KIAA0825: variants seen among roughly 807,000 people sequenced by gnomAD.
KIAA0825 encodes uncharacterized protein KIAA0825.
A neutral mutation model predicts 147.6 loss-of-function variants in KIAA0825; 119 were observed. The observed-to-expected ratio is 0.81, with a 90% CI of 0.69 to 0.94. The LOEUF (loss-of-function observed/expected upper bound fraction) is 0.94, where lower values mean the gene tolerates loss of function less well. KIAA0825 is among the 40% of genes least tolerant of loss of function. The pLI, the probability that KIAA0825 is intolerant of heterozygous loss-of-function variation, is 0.00. For synonymous variants in KIAA0825, 470 were observed against 518.1 expected, an observed-to-expected ratio of 0.91 and a Z score of 1.26; for missense variants, 1,381 against 1,472.7, an observed-to-expected ratio of 0.94 and a Z score of 1.02.
chr5:94,211,355 CTT>C (rs563684539), intron 20 of KIAA0825, among the ~76,000 whole-genome samples: 247 of 152,254 alleles, frequency 1.6e-3, no homozygotes, highest in Middle Eastern at 0.014. Context: ...TTTACAAACT[CTT>C]TGTGGTTTTA....
chr5:94,552,019 A>G (rs985870919), intron 2 of KIAA0825, among the ~76,000 whole-genome samples: 2 of 152,074 alleles, frequency 1.3e-5, no homozygotes, highest in Admixed American at 1.3e-4. Flanking sequence ...TATACTGCCC[A>G]CAAAAAAACT....
chr5:94,465,055 T>G lies in KIAA0825; in HGVS notation c.1877A>C (p.Glu626Ala). 1.9e-6 allele frequency: 3 copies of G among 1,551,006 alleles called. No homozygotes were observed. Among genetic ancestry groups the G allele is most frequent in the Non-Finnish European group, 2.6e-6 (3 of 1,146,590 alleles). Residue 626 changes from glutamate to alanine, a missense_variant, in exon 11 of 21, where the codon GAA becomes GCA. By Grantham distance (107) the Glu-to-Ala change is moderately radical. Transcript: ENST00000682413. ...WDDYKAFYEG[E>A]RCSFSIQMWH... ...CATCTGGATCGAGAAGGAACATCTT[T>G]CCCCCTGGCAAAGCCAGCACACGTT... is the stretch of plus-strand genomic sequence containing the variant.
In KIAA0825 at chr5:94,593,243, C is replaced by T. The variant is rs1222363430; in HGVS notation, c.-152-10660G>A. 5 of 763,342 alleles carry T rather than the reference C, an allele frequency of 6.6e-6. No homozygotes were observed. In the Admixed American group the frequency reaches 8.6e-5, roughly 13 times the overall value. The allele number at this position is 763,342 out of a possible 1,614,324, so 47.3% of individuals were successfully genotyped here. ...GATATTAAACTGCTGTCAGAATTTT[C>T]CTCTTGCTTAGCAGATCAGCATTTG... On this transcript the variant is annotated intron_variant, in intron 1 of 20. Transcript: ENST00000682413.
intron 2 of KIAA0825, among the ~76,000 whole-genome samples, chr5:94,539,319 C>A (rs547562955): frequency 6.6e-6 from 1 of 152,104 alleles, no homozygotes; most frequent in Non-Finnish European, 1.5e-5. Context: ...ATGGAGTAAC[C>A]ATTCTTTTAT....
chr5:94,166,063 C>T (rs1767997728), intron 20 of KIAA0825, among the ~76,000 whole-genome samples: 1 of 151,992 alleles, frequency 6.6e-6, no homozygotes, highest in African/African-American at 2.4e-5. Flanking sequence ...ATACCAATTC[C>T]CCATGATGTG....
intron 20 of KIAA0825, among the ~76,000 whole-genome samples, chr5:94,310,111 AT>A (rs1779026876): frequency 6.6e-6 from 1 of 151,744 alleles, no homozygotes; most frequent in Non-Finnish European, 1.5e-5. Flanking sequence ...TTGGCCACAT[AT>A]ACTAAGTTAA....
chr5:94,293,765 T>C (rs1778011938), intron 20 of KIAA0825, among the ~76,000 whole-genome samples: 1 of 152,204 alleles, frequency 6.6e-6, no homozygotes, highest in South Asian at 2.1e-4. Flanking sequence ...TGTAGGTCTC[T>C]AAGAACTTGC....
At chr5:94,293,059 AC>A (rs1426075302) in intron 20 of KIAA0825, among the ~76,000 whole-genome samples, 1 of 151,306 alleles carries the variant, frequency 6.6e-6, no homozygotes, top group Non-Finnish European at 1.5e-5. Flanking sequence ...TTAAAAAAAA[AC>A]AGCTCCTGGA....
chr5:94,152,878 ATATATATATATATATATATATATAT>A lies in KIAA0825; in HGVS notation c.*1104_*1128del, dbSNP rs1562284191. ...AAATTATATATATATATATATATAT[ATATATATATATATATATATATATAT>A]GGTTTCTCCCAGACGTTCTTAGACT... is the stretch of plus-strand genomic sequence containing the variant. On this transcript the variant is annotated 3_prime_UTR_variant, in exon 21 of 21. Coordinates refer to ENST00000682413, the MANE Select transcript of KIAA0825 (RefSeq NM_001145678.3). 2.1e-3 allele frequency: 135 copies of A among 64,594 alleles called. 13 individuals carry two copies. The highest frequency in any genetic ancestry group is 7.3e-3 in the African/African-American group (121 of 16,548). The allele number at this position is 64,594 out of a possible 1,614,324, so 4.0% of individuals were successfully genotyped here. A position where few individuals can be genotyped will look rare whatever the true frequency, so the allele number is the denominator to read the frequency against.
chr5:94,251,427 T>C (rs565137053), intron 20 of KIAA0825, among the ~76,000 whole-genome samples: 8 of 152,236 alleles, frequency 5.3e-5, no homozygotes, highest in African/African-American at 1.9e-4. Context: ...TCTTGTTTAT[T>C]AGATGCAAGG....
Position 94,403,632 on chromosome 5 carries a change from C to T in KIAA0825, c.2824G>A (p.Glu942Lys), listed in dbSNP as rs1260142682. 2 of 1,551,556 alleles carry T rather than the reference C, an allele frequency of 1.3e-6. No homozygotes were observed. The highest frequency in any genetic ancestry group is 2.0e-5 in the Admixed American group (1 of 50,982). ...NKHIVPDCLLESMPKEWNYSP... is the reference protein window; with the variant it reads ...NKHIVPDCLLKSMPKEWNYSP... ...TAATTCCATTCCTTTGGCATGCTCT[C>T]AAGCAAACAATCAGGAACAATGTGC... is the stretch of plus-strand genomic sequence containing the variant. The change falls in exon 16 of 21, where the codon GAG (glutamate) becomes AAG (lysine). Residue 942 changes from glutamate (E) to lysine (K), a missense_variant. Physicochemically the swap from Glu to Lys is moderately conservative, Grantham distance 56. Coordinates refer to ENST00000682413, the MANE Select transcript of KIAA0825 (RefSeq NM_001145678.3).
At chr5:94,555,165 C>T (rs1776314605) in intron 2 of KIAA0825, among the ~76,000 whole-genome samples, 1 of 152,008 alleles carries the variant, frequency 6.6e-6, no homozygotes, top group African/African-American at 2.4e-5. Flanking sequence ...TTAGGGTTGC[C>T]TGAAATTTCT....
intron 20 of KIAA0825, among the ~76,000 whole-genome samples, chr5:94,190,712 A>AT (rs963003984): frequency 9.3e-5 from 14 of 150,402 alleles, no homozygotes; most frequent in African/African-American, 2.7e-4. Context: ...CAATGACTAC[A>AT]TTTTTTTTTC....
intron 15 of KIAA0825, among the ~76,000 whole-genome samples, chr5:94,409,236 A>G (rs1222641933): frequency 1.3e-5 from 2 of 152,220 alleles, no homozygotes; most frequent in African/African-American, 4.8e-5. Flanking sequence ...TTGAGGAAGA[A>G]CTTTTATTTT....
At chr5:94,352,646 A>G (rs1439237481) in intron 20 of KIAA0825, among the ~76,000 whole-genome samples, 1 of 152,236 alleles carries the variant, frequency 6.6e-6, no homozygotes, top group Non-Finnish European at 1.5e-5. Context: ...ACAATTCACA[A>G]TTGCAAAATC....
chr5:94,490,310 C>A (rs1398666154), intron 5 of KIAA0825, among the ~76,000 whole-genome samples: 5 of 151,996 alleles, frequency 3.3e-5, no homozygotes, highest in Non-Finnish European at 7.4e-5. Flanking sequence ...CAGGCCAGAA[C>A]AAAGTAAGAT....
intron 20 of KIAA0825, among the ~76,000 whole-genome samples, chr5:94,169,731 A>T (rs978272158): frequency 6.6e-6 from 1 of 152,170 alleles, no homozygotes; most frequent in Non-Finnish European, 1.5e-5. Context: ...TTACTGAATG[A>T]CTATGTTCGG....
chr5:94,284,964 A>T (rs575444120), intron 20 of KIAA0825, among the ~76,000 whole-genome samples: 297 of 152,258 alleles, frequency 2.0e-3, no homozygotes, highest in African/African-American at 6.5e-3. Flanking sequence ...GAATTTCCTG[A>T]GGGCAGTCTC....
intron 5 of KIAA0825, chr5:94,519,746 T>A (rs1050561305): frequency 2.4e-6 from 2 of 819,226 alleles, no homozygotes; most frequent in African/African-American, 3.7e-5. Flanking sequence ...TTTCAACAAA[T>A]TTTCAAAAAT....
Sources: gnomAD v4.1 joint callset for allele counts (sites outside exome capture counted in the v4.1 genomes callset) on GRCh38, gnomAD v4.1.1 for gene constraint, MANE v1.5 for transcripts, NCBI Gene and HGNC (gene_info 2026-07-23, HGNC 2026-07-21) for gene names.